Variants in PLXNA4 observed in about 807,000 individuals in gnomAD.
PLXNA4 encodes plexin-A4.
In PLXNA4, 44 loss-of-function variants were observed where a neutral mutation model predicts 191.8. That is an observed-to-expected ratio of 0.23 (90% CI 0.18 to 0.29). The LOEUF (loss-of-function observed/expected upper bound fraction) is 0.29, where lower values mean the gene tolerates loss of function less well. PLXNA4 is among the 10% of genes least tolerant of loss of function. The pLI is 1.00. For missense variants in PLXNA4, 1,800 were observed against 2,488.8 expected (o/e 0.72, Z 5.89); for synonymous variants, 1,082 against 1,009.5 (o/e 1.07, Z -1.36).
intron 2 of PLXNA4, among the ~76,000 whole-genome samples, chr7:132,629,250 T>C (rs79902477): frequency 0.065 from 9,884 of 152,288 alleles, 435 homozygotes; most frequent in Admixed American, 0.11. Flanking sequence ...AAATTGGCTT[T>C]AACTCAACCT....
intron 3 of PLXNA4, among the ~76,000 whole-genome samples, chr7:132,306,894 A>AAC (rs1326997103): frequency 9.2e-4 from 140 of 152,264 alleles, no homozygotes; most frequent in African/African-American, 3.2e-3. Flanking sequence ...GTCTGGGGCA[A>AAC]AGAAGAGCTG....
At chr7:132,320,346 A>G (rs911847316) in intron 3 of PLXNA4, among the ~76,000 whole-genome samples, 6 of 152,158 alleles carry the variant, frequency 3.9e-5, no homozygotes, top group African/African-American at 9.6e-5. Flanking sequence ...CATCACTCCA[A>G]TCTCTGCCTT....
intron 2 of PLXNA4, among the ~76,000 whole-genome samples, chr7:132,501,363 G>T (rs1469348295): frequency 2.0e-5 from 3 of 152,188 alleles, no homozygotes; most frequent in Non-Finnish European, 2.9e-5. Context: ...CTCATGACAT[G>T]CAGTCCATGT....
At chr7:132,595,418 G>A (rs765765712) in intron 2 of PLXNA4, among the ~76,000 whole-genome samples, 21 of 152,240 alleles carry the variant, frequency 1.4e-4, no homozygotes, top group Admixed American at 2.0e-4. Context: ...CTATTCATCC[G>A]TCTCCCATGC....
At chr7:132,207,639 C>T (rs1344095607) in intron 10 of PLXNA4, among the ~76,000 whole-genome samples, 1 of 152,226 alleles carries the variant, frequency 6.6e-6, no homozygotes, top group Non-Finnish European at 1.5e-5. Flanking sequence ...CAGTGTCACT[C>T]CCACACTGAA....
chr7:132,274,014 A>AG lies in PLXNA4; in HGVS notation c.1503+24076dup, dbSNP rs1554404243. Among the ~76,000 whole-genome samples, 180 of 150,852 alleles carry AG rather than the reference A, an allele frequency of 1.2e-3. 1 individual carries two copies. The highest frequency in any genetic ancestry group is 2.2e-3 in the Non-Finnish European group (146 of 67,548). ...AATACTATTCAGCAGTAAAAAAAAA[A>AG]GGGGGCAACAACATGGATAAAGGTT... On this transcript the variant is annotated intron_variant, in intron 4 of 31. Transcript: ENST00000321063.
chr7:132,249,405 G>A (rs531292013), intron 4 of PLXNA4, among the ~76,000 whole-genome samples: 3 of 152,300 alleles, frequency 2.0e-5, no homozygotes, highest in South Asian at 2.1e-4. Context: ...AGCGAGTGCC[G>A]ACGCCGGAAT....
At chr7:132,519,481 C>T (rs1453552810) in intron 1 of PLXNA4, among the ~76,000 whole-genome samples, 1 of 152,186 alleles carries the variant, frequency 6.6e-6, no homozygotes, top group African/African-American at 2.4e-5. Flanking sequence ...TTGGGGGTCA[C>T]CACAGGCTGG....
chr7:132,228,254 C>G, intron 6 of PLXNA4, 92 bp downstream of exon 6: 1 of 1,549,948 alleles, frequency 6.5e-7, no homozygotes, highest in Non-Finnish European at 8.8e-7. Context: ...TTGGCCCAGT[C>G]CTCCAGAGGG....
intron 3 of PLXNA4, among the ~76,000 whole-genome samples, chr7:132,311,069 T>C (rs571956924): frequency 1.3e-5 from 2 of 152,100 alleles, no homozygotes; most frequent in Non-Finnish European, 2.9e-5. Flanking sequence ...TGCAAAGCCC[T>C]AGAACAGGAG....
At chr7:132,498,344 C>T (rs765570201) in intron 2 of PLXNA4, among the ~76,000 whole-genome samples, 3 of 152,154 alleles carry the variant, frequency 2.0e-5, no homozygotes, top group Admixed American at 6.5e-5. Context: ...TACATTTCCA[C>T]GTGGCTGGGG....
intron 3 of PLXNA4, among the ~76,000 whole-genome samples, chr7:132,477,106 CA>C (rs1797160501): frequency 6.6e-6 from 1 of 152,190 alleles, no homozygotes; most frequent in Non-Finnish European, 1.5e-5. Flanking sequence ...CTCTTTAAGT[CA>C]AGAAGTGCCT....
At chr7:132,278,640 G>A (rs538255413) in intron 4 of PLXNA4, among the ~76,000 whole-genome samples, 13 of 152,158 alleles carry the variant, frequency 8.5e-5, no homozygotes, top group East Asian at 1.9e-4. Context: ...ACTTGCCAGC[G>A]GCTGCATGGG....
intron 3 of PLXNA4, among the ~76,000 whole-genome samples, chr7:132,419,015 G>T (rs926734937): frequency 6.6e-6 from 1 of 152,196 alleles, no homozygotes; most frequent in African/African-American, 2.4e-5. Flanking sequence ...CCACGTACAG[G>T]CACCGTCTCC....
Position 132,320,876 on chromosome 7 carries a change from G to A in PLXNA4, c.1372-22654C>T, listed in dbSNP as rs150828480. On this transcript the variant is annotated intron_variant, in intron 3 of 31. Transcript: ENST00000321063. ...AATCTGTATTTAATAAGTTCTACAG[G>A]TGGTCTGGATGCATCCTAAATTTTG... 1.8e-4 allele frequency among the ~76,000 whole-genome samples: 27 copies of A among 152,306 alleles called. No homozygotes were observed. The East Asian group carries it at 5.0e-3, about 28-fold the overall frequency.
chr7:132,536,613 G>C (rs1799844337), intron 1 of PLXNA4, among the ~76,000 whole-genome samples: 1 of 152,176 alleles, frequency 6.6e-6, no homozygotes, highest in South Asian at 2.1e-4. Flanking sequence ...CAGACACCTG[G>C]AGATTAATTA....
chr7:132,481,842 C>T (rs1472121374), intron 3 of PLXNA4, among the ~76,000 whole-genome samples: 2 of 152,178 alleles, frequency 1.3e-5, no homozygotes, highest in Admixed American at 6.5e-5. Context: ...GCCTGCTGAG[C>T]CCCCAGGCCT....
chr7:132,243,850 T>G (rs35971464), intron 4 of PLXNA4, among the ~76,000 whole-genome samples: 1 of 151,822 alleles, frequency 6.6e-6, no homozygotes, highest in South Asian at 2.1e-4. Flanking sequence ...CCTCTGACAG[T>G]CTTCCAAGGC....
At chr7:132,518,549 G>A (rs1184847584) in intron 1 of PLXNA4, among the ~76,000 whole-genome samples, 1 of 152,210 alleles carries the variant, frequency 6.6e-6, no homozygotes, top group African/African-American at 2.4e-5. Context: ...TAAAAGATGG[G>A]GAAGAGGGAG....
Sources: allele counts gnomAD v4.1 joint callset (sites outside exome capture counted in the v4.1 genomes callset), GRCh38; gene constraint gnomAD v4.1.1; transcripts MANE v1.5; gene names NCBI Gene and HGNC (gene_info 2026-07-23, HGNC 2026-07-21).